Variants in GPC6 observed in about 807,000 individuals in gnomAD.
GPC6 encodes glypican 6.
Under a neutral mutation model 55.2 loss-of-function variants are expected in GPC6, and 14 were observed. The ratio of observed to expected loss-of-function variants is 0.25; its 90% CI spans 0.17 to 0.40. GPC6 has a LOEUF of 0.40. GPC6 is among the 10% of genes least tolerant of loss of function. GPC6 has a pLI of 1.00. For missense variants in GPC6, 641 were observed against 708.5 expected, an observed-to-expected ratio of 0.90 and a Z score of 1.08; for synonymous variants, 278 against 259.6, an observed-to-expected ratio of 1.07 and a Z score of -0.68.
chr13:94,346,719 C>CAAAA (rs35478457), intron 6 of GPC6, among the ~76,000 whole-genome samples: 5 of 114,122 alleles, frequency 4.4e-5, no homozygotes, highest in African/African-American at 1.7e-4. Context: ...AGACTCCTCT[C>CAAAA]AAAAAAAAAA....
chr13:93,325,949 G>A (rs973630618), intron 1 of GPC6, among the ~76,000 whole-genome samples: 1 of 152,102 alleles, frequency 6.6e-6, no homozygotes, highest in African/African-American at 2.4e-5. Context: ...TGTTCATTAA[G>A]TTCCAACTAG....
At chr13:93,611,300 C>A (rs1566448760) in intron 2 of GPC6, among the ~76,000 whole-genome samples, 1 of 151,910 alleles carries the variant, frequency 6.6e-6, no homozygotes, top group South Asian at 2.1e-4. Context: ...ACTTTGACAA[C>A]TGAATTATAT....
chr13:93,404,470 T>A (rs1396962936), intron 1 of GPC6, among the ~76,000 whole-genome samples: 1 of 152,172 alleles, frequency 6.6e-6, no homozygotes, highest in Admixed American at 6.6e-5. Context: ...TTATTCCAGT[T>A]AATTTTGTAA....
the GPC6 span, among the ~76,000 whole-genome samples, chr13:93,216,826 T>G: frequency 9.2e-5 from 14 of 152,270 alleles, no homozygotes; most frequent in African/African-American, 3.4e-4. Context: ...TCCTACTGAG[T>G]AGAAGAGAGA....
At chr13:94,374,894 A>G (rs1405478937) in intron 6 of GPC6, among the ~76,000 whole-genome samples, 96 of 142,214 alleles carry the variant, frequency 6.8e-4, no homozygotes, top group Non-Finnish European at 1.2e-3. Context: ...ACTAGAACTC[A>G]GGATTAAGAA....
In GPC6 at chr13:93,255,760, T is replaced by A. The variant is rs541956366; in HGVS notation, c.160+28144T>A. ...TATAAGCCTGTATACCAAGAATATA[T>A]TTTTTGAGGCTGGGGAGTATATTTT... is the stretch of plus-strand genomic sequence containing the variant. On this transcript the variant is annotated intron_variant, in intron 1 of 8. Transcript: ENST00000377047. 1.1e-3 allele frequency among the ~76,000 whole-genome samples: 172 copies of A among 152,276 alleles called. 1 individual carries two copies. The Middle Eastern group carries it at 0.041, about 36-fold the overall frequency.
chr13:93,709,144 G>C (rs996326927), intron 2 of GPC6, among the ~76,000 whole-genome samples: 1 of 151,720 alleles, frequency 6.6e-6, no homozygotes, highest in African/African-American at 2.4e-5. Flanking sequence ...TATTACTAAA[G>C]CAAGTGCTTC....
intron 1 of GPC6, among the ~76,000 whole-genome samples, chr13:93,232,743 A>C (rs377091083): frequency 2.0e-5 from 3 of 152,144 alleles, no homozygotes; most frequent in Admixed American, 2.0e-4. Context: ...AAAATTATGG[A>C]TGAAATTTAC....
chr13:93,376,049 CT>C (rs11362182), intron 1 of GPC6, among the ~76,000 whole-genome samples: 46,597 of 137,550 alleles, frequency 0.34, 7,798 homozygotes, highest in East Asian at 0.67. Context: ...GCATCTGGCA[CT>C]TTTTTTTTTT....
intron 4 of GPC6, among the ~76,000 whole-genome samples, chr13:94,238,691 A>G (rs1890956197): frequency 6.6e-6 from 1 of 152,170 alleles, no homozygotes; most frequent in Non-Finnish European, 1.5e-5. Flanking sequence ...ACCGTGTGAG[A>G]AAGTAGAAGC....
At chr13:94,375,066 G>A (rs1386828261) in intron 6 of GPC6, among the ~76,000 whole-genome samples, 4 of 150,002 alleles carry the variant, frequency 2.7e-5, no homozygotes, top group Non-Finnish European at 5.9e-5. Flanking sequence ...AAAGCAGTGT[G>A]TAGAAGGAAA....
intron 1 of GPC6, among the ~76,000 whole-genome samples, chr13:93,378,645 A>G (rs1436502199): frequency 6.6e-6 from 1 of 152,180 alleles, no homozygotes; most frequent in Non-Finnish European, 1.5e-5. Context: ...ACTTATTATG[A>G]TCTTGACATA....
chr13:94,163,414 C>G (rs1888237803), intron 4 of GPC6, among the ~76,000 whole-genome samples: 1 of 151,862 alleles, frequency 6.6e-6, no homozygotes, highest in Non-Finnish European at 1.5e-5. Context: ...CCTAAATTCT[C>G]ATGTATGTAT....
rs116192152 is a variant in GPC6, at chr13:93,974,196, T to A, written c.712-53533T>A. ...CTCTGAATTCCTGGTAATATACAAG[T>A]GTTACACAGGCAGCATGATGCCTTG... is the stretch of plus-strand genomic sequence containing the variant. On this transcript the variant is annotated intron_variant, in intron 3 of 8. Transcript: ENST00000377047. 3.5e-3 allele frequency among the ~76,000 whole-genome samples: 530 copies of A among 152,300 alleles called. 5 individuals are homozygous for A. Among genetic ancestry groups the A allele is most frequent in the African/African-American group, 0.012 (514 of 41,568 alleles).
rs10592821 is a variant in GPC6 at position 93,927,687 on chromosome 13, G to GA, written c.711+97158dup. Among the ~76,000 whole-genome samples, 386 of 135,396 alleles carry GA rather than the reference G, an allele frequency of 2.9e-3. 2 individuals are homozygous for GA. Among genetic ancestry groups the GA allele is most frequent in the South Asian group, 0.019 (80 of 4,192 alleles). The allele number at this position is 135,396 out of a possible 152,430, so 88.8% of individuals were successfully genotyped here. On this transcript the variant is annotated intron_variant, in intron 3 of 8. Transcript: ENST00000377047. The stretch of plus-strand genomic sequence containing the variant: ...GTCTTAGCTTCAGTTCCTTCTTTGT[G>GA]AAAAAAAAAAAAAAAAGAATTGGTG...
intron 2 of GPC6, among the ~76,000 whole-genome samples, chr13:93,815,844 T>TA (rs5805828): frequency 1 from 152,262 of 152,274 alleles, 76,125 homozygotes; most frequent in Middle Eastern, 1. Flanking sequence ...AGCCTGATAT[T>TA]TTTTCCTGTT....
chr13:94,227,563 T>A (rs964949443), intron 4 of GPC6, among the ~76,000 whole-genome samples: 1 of 152,192 alleles, frequency 6.6e-6, no homozygotes, highest in Non-Finnish European at 1.5e-5. Context: ...TAATTATTAC[T>A]GTAACAGCCA....
At chr13:93,398,437 G>C (rs1437781065) in intron 1 of GPC6, among the ~76,000 whole-genome samples, 1 of 152,132 alleles carries the variant, frequency 6.6e-6, no homozygotes, top group Non-Finnish European at 1.5e-5. Context: ...GAAATCAATT[G>C]TGCAATATCT....
intron 3 of GPC6, among the ~76,000 whole-genome samples, chr13:93,858,811 G>A (rs192326638): frequency 2.2e-4 from 34 of 151,532 alleles, no homozygotes; most frequent in African/African-American, 7.7e-4. Flanking sequence ...AAGAATAGGA[G>A]GAGAGTCACT....
Sources: gnomAD v4.1 joint callset for allele counts (sites outside exome capture counted in the v4.1 genomes callset) on GRCh38, gnomAD v4.1.1 for gene constraint, MANE v1.5 for transcripts, NCBI Gene and HGNC (gene_info 2026-07-23, HGNC 2026-07-21) for gene names.